GOLGA6B: variants seen among roughly 807,000 people sequenced by gnomAD.
GOLGA6B encodes golgin subfamily A member 6B.
Under a neutral mutation model 63.0 loss-of-function variants are expected in GOLGA6B, and 11 were observed. That is an observed-to-expected ratio of 0.17 (90% CI 0.11 to 0.29). The LOEUF (loss-of-function observed/expected upper bound fraction) is 0.29. Among genes scored for constraint, GOLGA6B ranks in the 10% least tolerant of loss-of-function variants. The probability of loss-of-function intolerance (pLI) is 1.00; values close to 1 mark genes in which losing one functional copy is unlikely to be tolerated. For missense variants in GOLGA6B, 134 were observed against 563.8 expected (o/e 0.24, Z 7.72); for synonymous variants, 46 against 232.6 (o/e 0.20, Z 7.30).
At position 72,662,315 on chromosome 15, in the gene GOLGA6B, C is replaced by A. The variant is rs766923334; in HGVS notation, c.911C>A (p.Ala304Asp). The change falls in exon 11 of 18, where the codon GCC (alanine) becomes GAC (aspartate). Residue 304 changes from alanine (A) to aspartate (D), a missense_variant. By Grantham distance (126) the Ala-to-Asp change is moderately radical. Transcript: ENST00000421285. ...TSVVEQLQDE[A>D]KHLRQEVEGL... ...GTGGTGGAACAGCTACAAGATGAGGCCAAACACCTGAGGCAGGAGGTGGAA... is the reference window on the plus strand; with the variant it reads ...GTGGTGGAACAGCTACAAGATGAGGACAAACACCTGAGGCAGGAGGTGGAA... The A allele has an allele frequency of 7.2e-7, 1 of 1,390,234 alleles. No homozygotes were observed. The highest frequency in any genetic ancestry group is 1.4e-5 in the South Asian group (1 of 71,782). 86.1% of individuals were successfully genotyped at this position (1,390,234 alleles called of 1,614,324 possible). A position where few individuals can be genotyped will look rare whatever the true frequency, so the allele number is the denominator to read the frequency against.
chr15:72,664,456 C>A lies in GOLGA6B; in HGVS notation c.1446C>A (p.Ser482Arg). 7.5e-7 allele frequency: 1 copy of A among 1,329,814 alleles called. No homozygotes were observed. Among genetic ancestry groups the A allele is most frequent in the Non-Finnish European group, 1.0e-6 (1 of 969,006 alleles). The allele number at this position is 1,329,814 out of a possible 1,614,324, so 82.4% of individuals were successfully genotyped here. ...KLDEEHLEAA[S>R]QQNQQLETQL... ...CTTAGGAGCACCTAGAAGCTGCCAG[C>A]CAGCAGAACCAACAGCTAGAGACCC... Residue 482 changes from serine (S) to arginine (R), a missense_variant, in exon 13 of 18, where the codon AGC becomes AGA. Ser to Arg is a moderately radical substitution (Grantham distance 110). Coordinates refer to ENST00000421285, the MANE Select transcript of GOLGA6B (RefSeq NM_018652.5).
In GOLGA6B at chr15:72,664,207, C is replaced by T. The variant is rs1192131091; in HGVS notation, c.1426-229C>T. On this transcript the variant is annotated intron_variant, in intron 12 of 17. Coordinates refer to ENST00000421285, the MANE Select transcript of GOLGA6B (RefSeq NM_018652.5). ...TGGGTCACCTGCAGCAGTACGTGGC[C>T]ACCTATCAGCAGCTGACCTCTGAGA... Among the ~76,000 whole-genome samples, 2 of 130,424 alleles carry T rather than the reference C, an allele frequency of 1.5e-5. 1 individual carries two copies. The highest frequency in any genetic ancestry group is 1.5e-4 in the Admixed American group (2 of 13,214). The allele number at this position is 130,424 out of a possible 152,430, so 85.6% of individuals were successfully genotyped here.
rs780898000 is a variant in GOLGA6B, at chr15:72,662,341, G to T, written c.937G>T (p.Gly313Cys). The change falls in exon 11 of 18, where the codon GGT (glycine) becomes TGT (cysteine). Residue 313 changes from glycine to cysteine, a missense_variant. Transcript: ENST00000421285. ...CAAACACCTGAGGCAGGAGGTGGAA[G>T]GTCTGGAGGGAAAGCTCCAATCCCA... ...EAKHLRQEVE[G>C]LEGKLQSQVE... is the part of the protein sequence containing the mutation. 2.4e-5 allele frequency: 34 copies of T among 1,390,250 alleles called. 8 individuals carry two copies. In the Admixed American group the frequency reaches 6.3e-4, roughly 26 times the overall value. The allele number at this position is 1,390,250 out of a possible 1,614,324, so 86.1% of individuals were successfully genotyped here.
chr15:72,666,178 G>C, intron 17 of GOLGA6B, 37 bp from the exon 18 acceptor site: 1 of 1,606,524 alleles, frequency 6.2e-7, no homozygotes, highest in Non-Finnish European at 8.5e-7. Context: ...GGGGAGGCTC[G>C]CACTGTGCTC....
In GOLGA6B at chr15:72,662,283, G is replaced by T. The variant is rs1457771937; in HGVS notation, c.879G>T (p.Val293=). ...CCCCATCCCTGGCGCCCCCAGCAGTGACCTCTGTGGTGGAACAGCTACAAG... is the reference window on the plus strand; with the variant it reads ...CCCCATCCCTGGCGCCCCCAGCAGTTACCTCTGTGGTGGAACAGCTACAAG... The part of the protein sequence containing the change: ...AKPPSLAPPA[V]TSVVEQLQDE... The change falls in exon 11 of 18, where the codon GTG becomes GTT. Residue 293 remains valine, a synonymous_variant. Transcript: ENST00000421285. 9 of 1,386,308 alleles carry T rather than the reference G, an allele frequency of 6.5e-6. 1 individual carries two copies. In the African/African-American group the frequency reaches 1.2e-4, roughly 19 times the overall value. 85.9% of individuals were successfully genotyped at this position (1,386,308 alleles called of 1,614,324 possible). A position where few individuals can be genotyped will look rare whatever the true frequency, so the allele number is the denominator to read the frequency against.
intron 2 of GOLGA6B, among the ~76,000 whole-genome samples, chr15:72,657,369 CTG>C (rs1408649612): frequency 6.7e-6 from 1 of 150,322 alleles, no homozygotes; most frequent in Admixed American, 6.6e-5. Context: ...TGACTCCACT[CTG>C]TGACTGCGTC....
At position 72,664,493 on chromosome 15, in the gene GOLGA6B, G is replaced by T; in HGVS notation, c.1483G>T (p.Val495Leu). The T allele has an allele frequency of 7.4e-7, 1 of 1,357,010 alleles. No homozygotes were observed. 84.1% of individuals were successfully genotyped at this position (1,357,010 alleles called of 1,614,324 possible). The change falls in exon 13 of 18, where the codon GTG becomes TTG. Residue 495 changes from valine (V) to leucine (L), a missense_variant. Val to Leu is a conservative substitution (Grantham distance 32, BLOSUM62 1). Coordinates refer to ENST00000421285, the MANE Select transcript of GOLGA6B (RefSeq NM_018652.5). ...ACAGCTAGAGACCCAGCTAAGCCTC[G>T]TGGCTCTCCCGGGAGAAGGTACAGG... ...NQQLETQLSLVALPGEGDGGQ... is the reference protein window; with the variant it reads ...NQQLETQLSLLALPGEGDGGQ...
intron 12 of GOLGA6B, among the ~76,000 whole-genome samples, chr15:72,663,334 A>T (rs1416104246): frequency 8.0e-6 from 1 of 124,968 alleles, no homozygotes; most frequent in East Asian, 2.5e-4. Context: ...AGCTAGAGAC[A>T]TGGAGCCCCC....
rs1416745882 is a variant in GOLGA6B at position 72,664,369 on chromosome 15, G to T, written c.1426-67G>T. 1.3e-5 allele frequency: 17 copies of T among 1,297,148 alleles called. 5 individuals carry two copies. The East Asian group carries it at 4.0e-4, about 30-fold the overall frequency. 80.4% of individuals were successfully genotyped at this position (1,297,148 alleles called of 1,614,324 possible). On this transcript the variant is annotated intron_variant, in intron 12 of 17. Coordinates refer to ENST00000421285, the MANE Select transcript of GOLGA6B (RefSeq NM_018652.5). Reference sequence around the variant, plus strand: ...AGACCCAGGGGAGGCAGTTGCTGAGGACGGGGCCCCGAGGGGGATGACCTG... The same window carrying T: ...AGACCCAGGGGAGGCAGTTGCTGAGTACGGGGCCCCGAGGGGGATGACCTG...
intron 12 of GOLGA6B, among the ~76,000 whole-genome samples, chr15:72,663,977 A>G (rs2064616656): frequency 7.7e-6 from 1 of 130,344 alleles, no homozygotes; most frequent in Non-Finnish European, 1.7e-5. Flanking sequence ...ATGGGGTTCT[A>G]GGCAAGAGAG....
Position 72,662,465 on chromosome 15 carries a change from T to C in GOLGA6B, c.1061T>C (p.Val354Ala), listed in dbSNP as rs1172875049. The C allele has an allele frequency of 7.2e-7, 1 of 1,397,458 alleles. No homozygotes were observed. The highest frequency in any genetic ancestry group is 1.9e-5 in the Admixed American group (1 of 52,552). The allele number at this position is 1,397,458 out of a possible 1,614,324, so 86.6% of individuals were successfully genotyped here. A position where few individuals can be genotyped will look rare whatever the true frequency, so the allele number is the denominator to read the frequency against. ...EMLREQEVQR[V>A]REQERLCEQN... ...CTCCGAGAGCAGGAGGTGCAGAGAG[T>C]GCGGGAGCAGGAGAGACTGTGTGAA... Residue 354 changes from valine to alanine, a missense_variant, in exon 11 of 18, where the codon GTG becomes GCG. Transcript: ENST00000421285.
intron 12 of GOLGA6B, among the ~76,000 whole-genome samples, 156 bp from the exon 13 acceptor site, chr15:72,664,280 C>A (rs2064619385): frequency 7.7e-6 from 1 of 130,090 alleles, no homozygotes; most frequent in Admixed American, 7.6e-5. Flanking sequence ...GCTCGTGGAC[C>A]AGCTGCAGCA....
At position 72,664,517 on chromosome 15, in the gene GOLGA6B, G is replaced by A. The variant is rs759044411; in HGVS notation, c.1501+6G>A. 3 of 1,350,832 alleles carry A rather than the reference G, an allele frequency of 2.2e-6. No individual in the cohort carries two copies. The highest frequency in any genetic ancestry group is 3.0e-6 in the Non-Finnish European group (3 of 990,840). The allele number at this position is 1,350,832 out of a possible 1,614,324, so 83.7% of individuals were successfully genotyped here. A position where few individuals can be genotyped will look rare whatever the true frequency, so the allele number is the denominator to read the frequency against. ...CGTGGCTCTCCCGGGAGAAGGTACAGGAGACCACTCAGAGGAAGAGGAGAG... is the reference window on the plus strand; with the variant it reads ...CGTGGCTCTCCCGGGAGAAGGTACAAGAGACCACTCAGAGGAAGAGGAGAG... On this transcript the variant is annotated splice_donor_region_variant and intron_variant, in intron 13 of 17. Coordinates refer to ENST00000421285, the MANE Select transcript of GOLGA6B (RefSeq NM_018652.5).
rs560289042 is a variant in GOLGA6B, at chr15:72,669,563, G to A, written c.*3221G>A. ...TGGCATTGTTGACTGCTACTGTGAT[G>A]CTACTGTAATGTAATAAATTATTAA... is the stretch of plus-strand genomic sequence containing the variant. On this transcript the variant is annotated 3_prime_UTR_variant, in exon 18 of 18. Coordinates refer to ENST00000421285, the MANE Select transcript of GOLGA6B (RefSeq NM_018652.5). Among the ~76,000 whole-genome samples, 14 of 152,302 alleles carry A rather than the reference G, an allele frequency of 9.2e-5. No individual in the cohort carries two copies. Among genetic ancestry groups the A allele is most frequent in the Admixed American group, 9.2e-4 (14 of 15,298 alleles).
At chr15:72,663,947 T>A (rs1349468503) in intron 12 of GOLGA6B, among the ~76,000 whole-genome samples, 21 of 130,196 alleles carry the variant, frequency 1.6e-4, no homozygotes. Context: ...GACATGAGAT[T>A]TGAGGCTGGG....
chr15:72,666,194 C>A (rs1165593424), intron 17 of GOLGA6B, 21 bp from the exon 18 acceptor site: 1 of 1,606,984 alleles, frequency 6.2e-7, no homozygotes, highest in African/African-American at 1.4e-5. Flanking sequence ...TGCTCAGACC[C>A]CCGCCTCCCT....
rs2064619137 is a variant in GOLGA6B at position 72,664,259 on chromosome 15, C to G, written c.1426-177C>G. 1.5e-5 allele frequency among the ~76,000 whole-genome samples: 2 copies of G among 130,376 alleles called. 1 individual carries two copies. Among genetic ancestry groups the G allele is most frequent in the Non-Finnish European group, 3.5e-5 (2 of 57,636 alleles). The allele number at this position is 130,376 out of a possible 152,430, so 85.5% of individuals were successfully genotyped here. A position where few individuals can be genotyped will look rare whatever the true frequency, so the allele number is the denominator to read the frequency against. On this transcript the variant is annotated intron_variant, in intron 12 of 17. Transcript: ENST00000421285. ...GGAGGCGCTGCACAGGCAGTTACTG[C>G]TGCAGACCCAGCTCGTGGACCAGCT... is the stretch of plus-strand genomic sequence containing the variant.
chr15:72,664,073 C>T (rs1467397614), intron 12 of GOLGA6B, among the ~76,000 whole-genome samples: 2 of 129,588 alleles, frequency 1.5e-5, no homozygotes, highest in South Asian at 2.8e-4. Context: ...ATTAATGGGC[C>T]CAGAATCTGG....
intron 2 of GOLGA6B, among the ~76,000 whole-genome samples, chr15:72,657,459 C>T (rs1431181404): frequency 8.4e-4 from 125 of 149,658 alleles, no homozygotes; most frequent in African/African-American, 2.8e-3. Context: ...ATGGCACAGG[C>T]CATGGTTTTA....
Sources: allele counts gnomAD v4.1 joint callset (sites outside exome capture counted in the v4.1 genomes callset), GRCh38; gene constraint gnomAD v4.1.1; transcripts MANE v1.5; gene names NCBI Gene and HGNC (gene_info 2026-07-23, HGNC 2026-07-21).